AKAP9: variants seen among roughly 807,000 people sequenced by gnomAD.
AKAP9 encodes the protein A-kinase anchoring protein 9.
In AKAP9, 311 loss-of-function variants were observed where a neutral mutation model predicts 488.5. The ratio of observed to expected loss-of-function variants is 0.64; its 90% CI spans 0.58 to 0.70. The LOEUF (loss-of-function observed/expected upper bound fraction) is 0.70, where lower values mean the gene tolerates loss of function less well. Among genes scored for constraint, AKAP9 ranks in the 30% least tolerant of loss-of-function variants. The pLI is 0.00. For missense variants in AKAP9, 4,215 were observed against 4,374.5 expected (o/e 0.96, Z 1.03); for synonymous variants, 1,462 against 1,483.5 (o/e 0.99, Z 0.33).
intron 12 of AKAP9, 102 bp downstream of exon 12, chr7:92,017,204 A>G: frequency 1.1e-6 from 1 of 879,532 alleles, no homozygotes; most frequent in Non-Finnish European, 1.8e-6. Flanking sequence ...GTAAGAGAAC[A>G]TGAAAAAGGA....
At chr7:92,019,481 G>A (rs1802016059) in intron 12 of AKAP9, among the ~76,000 whole-genome samples, 1 of 151,674 alleles carries the variant, frequency 6.6e-6, no homozygotes, top group African/African-American at 2.4e-5. Flanking sequence ...TAGATCTGAG[G>A]ACAGACTGGT....
At chr7:92,050,602 ATATTTTTTAACAC>A (rs1807815361) in intron 21 of AKAP9, among the ~76,000 whole-genome samples, 1 of 152,104 alleles carries the variant, frequency 6.6e-6, no homozygotes, top group Admixed American at 6.5e-5. Context: ...CCTCTCTCTG[ATATTTTTTAACAC>A]AGGTTCTTTT....
intron 31 of AKAP9, among the ~76,000 whole-genome samples, chr7:92,081,185 TTAAG>T (rs1285721284): frequency 6.6e-6 from 1 of 152,134 alleles, no homozygotes; most frequent in African/African-American, 2.4e-5. Context: ...ATCATTCCTT[TTAAG>T]TAATAATAAG....
At chr7:91,999,942 C>A (rs907863135) in intron 7 of AKAP9, among the ~76,000 whole-genome samples, 1 of 152,104 alleles carries the variant, frequency 6.6e-6, no homozygotes, top group African/African-American at 2.4e-5. Flanking sequence ...TTTTACTTAC[C>A]TACTTATGTC....
At chr7:92,040,511 C>T (rs1347738783) in intron 17 of AKAP9, among the ~76,000 whole-genome samples, 163 bp from the exon 18 acceptor site, 3 of 151,902 alleles carry the variant, frequency 2.0e-5, no homozygotes, top group Non-Finnish European at 2.9e-5. Flanking sequence ...TTAAGAAAAA[C>T]ACCATTTTAA....
At chr7:91,962,837 TG>T (rs869114551) in intron 1 of AKAP9, among the ~76,000 whole-genome samples, 2 of 55,420 alleles carry the variant, frequency 3.6e-5, no homozygotes, top group Non-Finnish European at 7.8e-5. Context: ...TTAATCGAAC[TG>T]TTTATGATGC....
intron 7 of AKAP9, among the ~76,000 whole-genome samples, chr7:91,996,375 T>C (rs1245652492): frequency 6.6e-6 from 1 of 152,214 alleles, no homozygotes; most frequent in African/African-American, 2.4e-5. Context: ...TCTTTTTCTT[T>C]ATTTTTTAAA....
rs766619809 is a variant in AKAP9 at position 92,012,425 on chromosome 7, T to C, written c.3319-4T>C. 3 of 1,610,664 alleles carry C rather than the reference T, an allele frequency of 1.9e-6. No individual in the cohort carries two copies. The Admixed American group carries it at 5.0e-5, about 27-fold the overall frequency. On this transcript the variant is annotated splice_polypyrimidine_tract_variant and splice_region_variant and intron_variant, in intron 8 of 49. Coordinates refer to ENST00000356239, the MANE Select transcript of AKAP9 (RefSeq NM_005751.5). ...TTATAATGTTTACATATGTTTACTTTAAGAATGATTTAAGGCTACAGATGG... is the reference window on the plus strand; with the variant it reads ...TTATAATGTTTACATATGTTTACTTCAAGAATGATTTAAGGCTACAGATGG...
chr7:92,086,487 A>T (rs554706119), intron 37 of AKAP9, 71 bp downstream of exon 37: 4 of 1,287,210 alleles, frequency 3.1e-6, no homozygotes, highest in Admixed American at 3.4e-5. Flanking sequence ...TAGAGTCTTA[A>T]TTTAAGTATG....
intron 1 of AKAP9, among the ~76,000 whole-genome samples, chr7:91,972,166 G>A (rs916592217): frequency 1.3e-5 from 2 of 152,046 alleles, no homozygotes; most frequent in African/African-American, 4.8e-5. Flanking sequence ...CAGAGGACCT[G>A]TGGCATGAAC....
At chr7:92,099,661 G>T in intron 43 of AKAP9, 26 bp from the exon 44 acceptor site, 1 of 1,612,442 alleles carries the variant, frequency 6.2e-7, no homozygotes, top group Non-Finnish European at 8.5e-7. Context: ...GTGCTTAAGT[G>T]ACCTTACACC....
At chr7:91,981,631 A>G (rs1004122012) in intron 3 of AKAP9, among the ~76,000 whole-genome samples, 1 of 125,426 alleles carries the variant, frequency 8.0e-6, no homozygotes, top group African/African-American at 3.1e-5. Flanking sequence ...TTTCACCAAG[A>G]TGGAGTCTCA....
At position 92,079,821 on chromosome 7, in the gene AKAP9, C is replaced by T; in HGVS notation, c.7688C>T (p.Ala2563Val). 6.2e-7 allele frequency: 1 copy of T among 1,614,062 alleles called. No homozygotes were observed. The highest frequency in any genetic ancestry group is 8.5e-7 in the Non-Finnish European group (1 of 1,179,996). ...CTTGTCAGTCAAATCCAACTTGAGG[C>T]AGTTCAGGAATATGCAAAATTCTGT... Reference protein sequence around the residue: ...AALVSQIQLEAVQEYAKFCQD... With the variant: ...AALVSQIQLEVVQEYAKFCQD... Residue 2563 changes from alanine (A) to valine (V), a missense_variant, in exon 31 of 50, where the codon GCA becomes GTA. Physicochemically the swap from Ala to Val is moderately conservative, Grantham distance 64. Transcript: ENST00000356239.
chr7:91,994,268 T>C (rs1441818694), intron 5 of AKAP9, among the ~76,000 whole-genome samples: 1 of 152,192 alleles, frequency 6.6e-6, no homozygotes, highest in Non-Finnish European at 1.5e-5. Flanking sequence ...TTGATGAGGA[T>C]GACAAAAATA....
At position 92,001,654 on chromosome 7, in the gene AKAP9, T is replaced by A. The variant is rs138049714; in HGVS notation, c.1737T>A (p.Ser579=). Residue 579 remains serine (S), a synonymous_variant, in exon 8 of 50, where the codon TCT becomes TCA. Coordinates refer to ENST00000356239, the MANE Select transcript of AKAP9 (RefSeq NM_005751.5). ...TGAAAGCTGAGATTGTTTCTGCATC[T>A]GAATCCAGAAAGGAACTAGAATTAA... is the stretch of plus-strand genomic sequence containing the variant. ...EDLKAEIVSA[S]ESRKELELKH... is the part of the protein sequence containing the mutation. The A allele has an allele frequency of 6.2e-7, 1 of 1,612,838 alleles. No individual in the cohort carries two copies. The highest frequency in any genetic ancestry group is 8.5e-7 in the Non-Finnish European group (1 of 1,179,420).
At chr7:92,033,471 G>C (rs1371423934) in intron 16 of AKAP9, among the ~76,000 whole-genome samples, 1 of 143,144 alleles carries the variant, frequency 7.0e-6, no homozygotes, top group Non-Finnish European at 1.5e-5. Flanking sequence ...TTTGAGACAG[G>C]GTCTGGCTCT....
intron 1 of AKAP9, among the ~76,000 whole-genome samples, chr7:91,944,084 A>C (rs1191592718): frequency 6.6e-6 from 1 of 152,192 alleles, no homozygotes; most frequent in African/African-American, 2.4e-5. Context: ...ATACTGTATA[A>C]AATGTTTTAT....
Position 92,096,918 on chromosome 7 carries a change from G to A in AKAP9, c.9959G>A (p.Arg3320Gln), listed in dbSNP as rs867646139. The A allele has an allele frequency of 5.0e-6, 8 of 1,614,162 alleles. No individual in the cohort carries two copies. The highest frequency in any genetic ancestry group is 1.7e-5 in the Admixed American group (1 of 60,008). The change falls in exon 41 of 50, where the codon CGG (arginine) becomes CAG (glutamine). Residue 3320 changes from arginine (R) to glutamine (Q), a missense_variant. Around this residue, in one of 5 missense-constraint regions of AKAP9, gnomAD observed 1,476 missense variants for 1,477.4 expected, o/e 1.00. Transcript: ENST00000356239. ...ATGAGTAGTACCCTAGATAGGGAGC[G>A]GGAATTGCACGCACAGCTGCAGAGC... ...REMSSTLDRE[R>Q]ELHAQLQSSD...
chr7:92,022,330 G>T lies in AKAP9; in HGVS notation c.3930G>T (p.Gln1310His). ...EETEFLSIHS[Q>H]MTNLEDIDVN... ...CAGAGTTTTTATCAATCCATTCTCA[G>T]ATGACCAATTTGGAAGACATTGGTA... is the stretch of plus-strand genomic sequence containing the variant. Residue 1310 changes from glutamine to histidine, a missense_variant, in exon 13 of 50, where the codon CAG becomes CAT. By Grantham distance (24) the Gln-to-His change is conservative. Transcript: ENST00000356239. 6.2e-7 allele frequency: 1 copy of T among 1,610,820 alleles called. No individual in the cohort carries two copies. Among genetic ancestry groups the T allele is most frequent in the Non-Finnish European group, 8.5e-7 (1 of 1,177,144 alleles).
Sources: allele counts gnomAD v4.1 joint callset (sites outside exome capture counted in the v4.1 genomes callset), GRCh38; gene constraint gnomAD v4.1.1; regional missense constraint gnomAD v4.1.1; transcripts MANE v1.5; gene names NCBI Gene and HGNC (gene_info 2026-07-23, HGNC 2026-07-21).